The following SMAD9 variants were observed in gnomAD, a reference collection of about 807,000 sequenced individuals.
SMAD9 encodes the protein MAD homolog 9.
Under a neutral mutation model 46.1 loss-of-function variants are expected in SMAD9, and 36 were observed. The ratio of observed to expected loss-of-function variants is 0.78; its 90% CI spans 0.60 to 1.03. The LOEUF (loss-of-function observed/expected upper bound fraction) is 1.03. Ranked by LOEUF, SMAD9 falls within the 50% of genes least tolerant of loss-of-function variation. The pLI is 0.00. For synonymous variants in SMAD9, 245 were observed against 237.1 expected (o/e 1.03, Z -0.31); for missense variants, 572 against 599.8 (o/e 0.95, Z 0.48).
At chr13:36,864,716 G>A (rs1212123431) in intron 5 of SMAD9, among the ~76,000 whole-genome samples, 2 of 152,168 alleles carry the variant, frequency 1.3e-5, no homozygotes, top group Non-Finnish European at 2.9e-5. Flanking sequence ...TTGAAGGTAT[G>A]TTAGGAAGAA....
chr13:36,866,860 A>C (rs903372285), intron 4 of SMAD9, among the ~76,000 whole-genome samples: 2 of 152,196 alleles, frequency 1.3e-5, no homozygotes, highest in East Asian at 3.8e-4. Context: ...CTAGACTATT[A>C]TAAGATGCAA....
chr13:36,853,630 AC>A lies in SMAD9; in HGVS notation c.1048del (p.Val350Ter). ...YVGGEVYAEC[V>X]SDSSIFVQSR... ...CTGCACAAAGATGCTGCTGTCACTC[AC>A]GCACTCGGCATACACCTCTCCCCCG... On this transcript the variant is annotated frameshift_variant, in exon 6 of 7. Transcript: ENST00000379826. LOFTEE classifies it high-confidence loss of function. The A allele has an allele frequency of 6.2e-7, 1 of 1,614,072 alleles. No individual in the cohort carries two copies.
chr13:36,885,899 T>A (rs944148073), intron 1 of SMAD9, among the ~76,000 whole-genome samples: 4 of 152,004 alleles, frequency 2.6e-5, no homozygotes, highest in Non-Finnish European at 5.9e-5. Context: ...AAGGAGAAAG[T>A]AAGAGTAAGA....
rs1412949949 is a variant in SMAD9 at position 36,847,261 on chromosome 13, C to T, written c.*1415G>A. 3.3e-5 allele frequency: 5 copies of T among 152,146 alleles called. No homozygotes were observed. Among genetic ancestry groups the T allele is most frequent in the Admixed American group, 6.5e-5 (1 of 15,270 alleles). The allele number at this position is 152,146 out of a possible 1,614,324, so 9.4% of individuals were successfully genotyped here. A position where few individuals can be genotyped will look rare whatever the true frequency, so the allele number is the denominator to read the frequency against. ...ATAAAATGTATAAATGAAGAAACTT[C>T]TTGGATTACTGAAGTGCTGTCTGTT... On this transcript the variant is annotated 3_prime_UTR_variant, in exon 7 of 7. Coordinates refer to ENST00000379826, the MANE Select transcript of SMAD9 (RefSeq NM_001127217.3).
chr13:36,906,311 AT>A (rs1298571463), intron 1 of SMAD9, among the ~76,000 whole-genome samples: 1 of 152,102 alleles, frequency 6.6e-6, no homozygotes, highest in Non-Finnish European at 1.5e-5. Context: ...TATTCCTTTT[AT>A]TTATATGACC....
At chr13:36,858,089 A>G (rs1409916890) in intron 5 of SMAD9, among the ~76,000 whole-genome samples, 1 of 152,236 alleles carries the variant, frequency 6.6e-6, no homozygotes, top group Admixed American at 6.5e-5. Flanking sequence ...ATGAAAAAGA[A>G]CGGCACAGAA....
chr13:36,879,790 G>T lies in SMAD9; in HGVS notation c.-101C>A. The T allele has an allele frequency of 3.8e-6, 5 of 1,324,236 alleles. No homozygotes were observed. Among genetic ancestry groups the T allele is most frequent in the Non-Finnish European group, 5.3e-6 (5 of 935,996 alleles). The allele number at this position is 1,324,236 out of a possible 1,614,324, so 82.0% of individuals were successfully genotyped here. A position where few individuals can be genotyped will look rare whatever the true frequency, so the allele number is the denominator to read the frequency against. On this transcript the variant is annotated 5_prime_UTR_variant, in exon 2 of 7. Transcript: ENST00000379826. ...CCAGGGGTGGCATAGGGACCAACCCGCCCGTTCTTCTGGGAGCAGCTGGGA... is the reference window on the plus strand; with the variant it reads ...CCAGGGGTGGCATAGGGACCAACCCTCCCGTTCTTCTGGGAGCAGCTGGGA...
chr13:36,873,031 T>A, intron 2 of SMAD9, 116 bp from the exon 3 acceptor site: 2 of 1,161,160 alleles, frequency 1.7e-6, no homozygotes, highest in Non-Finnish European at 2.5e-6. Flanking sequence ...GTTTTTCCCC[T>A]TGGGAACTAC....
intron 1 of SMAD9, among the ~76,000 whole-genome samples, chr13:36,882,268 T>C (rs544586139): frequency 0.026 from 3,945 of 151,612 alleles, 171 homozygotes; most frequent in African/African-American, 0.091. Context: ...TGTATGTGTG[T>C]GCGGTGTATG....
chr13:36,905,813 A>AAAAAAAAAC (rs2058615659), intron 1 of SMAD9, among the ~76,000 whole-genome samples: 2 of 110,916 alleles, frequency 1.8e-5, no homozygotes, highest in South Asian at 5.8e-4. Context: ...AAAAAAAAAA[A>AAAAAAAAAC]AACTTATATC....
At position 36,886,959 on chromosome 13, in the gene SMAD9, A is replaced by C. The variant is rs1024332311; in HGVS notation, c.-186-7084T>G. Among the ~76,000 whole-genome samples the C allele has an allele frequency of 5.1e-4, 77 of 151,880 alleles. 1 individual carries two copies. Among genetic ancestry groups the C allele is most frequent in the African/African-American group, 1.7e-3 (70 of 41,448 alleles). On this transcript the variant is annotated intron_variant, in intron 1 of 6. Transcript: ENST00000379826. ...GTGGCTGGAAGTGAGGCAAGAGAAG[A>C]CACGAGTGTCCTGCTGGAGCTGGAA...
intron 5 of SMAD9, among the ~76,000 whole-genome samples, chr13:36,859,761 G>C (rs2058161646): frequency 6.6e-6 from 1 of 152,260 alleles, no homozygotes; most frequent in Non-Finnish European, 1.5e-5. Context: ...GGGAGTTTGA[G>C]ACCAGCCTGA....
chr13:36,905,841 A>T (rs1037662015), intron 1 of SMAD9, among the ~76,000 whole-genome samples: 2 of 145,606 alleles, frequency 1.4e-5, no homozygotes, highest in Admixed American at 1.4e-4. Context: ...ATATTTTTTT[A>T]AAAGTTTTGT....
chr13:36,885,865 A>C (rs986070759), intron 1 of SMAD9, among the ~76,000 whole-genome samples: 8 of 152,090 alleles, frequency 5.3e-5, no homozygotes, highest in Non-Finnish European at 1.2e-4. Context: ...AAAAACAACA[A>C]CACTGAATTA....
chr13:36,913,259 C>T (rs764540116), intron 1 of SMAD9, among the ~76,000 whole-genome samples: 5 of 152,082 alleles, frequency 3.3e-5, no homozygotes, highest in Admixed American at 6.5e-5. Flanking sequence ...TTAATATTTG[C>T]TTTCTTGATC....
At chr13:36,897,783 T>C (rs1237851613) in intron 1 of SMAD9, among the ~76,000 whole-genome samples, 1 of 151,934 alleles carries the variant, frequency 6.6e-6, no homozygotes, top group Non-Finnish European at 1.5e-5. Flanking sequence ...GTTCATGACT[T>C]ACAAGGAGCT....
At chr13:36,887,457 A>C (rs920523909) in intron 1 of SMAD9, among the ~76,000 whole-genome samples, 2 of 151,904 alleles carry the variant, frequency 1.3e-5, no homozygotes, top group African/African-American at 4.8e-5. Flanking sequence ...TCCTGACCTC[A>C]GGTGGTCCGC....
intron 6 of SMAD9, chr13:36,851,514 C>T (rs1158064028): frequency 6.5e-6 from 1 of 152,734 alleles, no homozygotes; most frequent in African/African-American, 2.4e-5. Context: ...GTTTATTATC[C>T]ATCTCTCCTT....
intron 5 of SMAD9, among the ~76,000 whole-genome samples, chr13:36,859,206 G>A (rs911076100): frequency 6.6e-6 from 1 of 152,144 alleles, no homozygotes; most frequent in Admixed American, 6.5e-5. Flanking sequence ...AAGATGAGAA[G>A]CCTTACATGT....
Sources: gnomAD v4.1 joint callset for allele counts (sites outside exome capture counted in the v4.1 genomes callset) on GRCh38, gnomAD v4.1.1 for gene constraint, MANE v1.5 for transcripts, NCBI Gene and HGNC (gene_info 2026-07-23, HGNC 2026-07-21) for gene names.